PDE4B: variants seen among roughly 807,000 people sequenced by gnomAD.
The protein encoded by PDE4B is phosphodiesterase 4B, also known as 3',5'-cyclic-AMP phosphodiesterase 4B.
PDE4B carries 20 observed loss-of-function variants against 82.2 expected under a neutral mutation model. That is an observed-to-expected ratio of 0.24 (90% CI 0.17 to 0.35). The LOEUF is 0.35. PDE4B is among the 10% of genes least tolerant of loss of function. The pLI is 1.00. For missense variants in PDE4B, 655 were observed against 907.2 expected, an observed-to-expected ratio of 0.72 and a Z score of 3.57; for synonymous variants, 320 against 318.9, an observed-to-expected ratio of 1.00 and a Z score of -0.04.
At chr1:65,908,438 G>T (rs1158174313) in intron 1 of PDE4B, among the ~76,000 whole-genome samples, 2 of 152,158 alleles carry the variant, frequency 1.3e-5, no homozygotes, top group Non-Finnish European at 2.9e-5. Flanking sequence ...CACTTATGGA[G>T]AAGGATTTTG....
chr1:66,312,789 GTTTA>G (rs1167330263), intron 7 of PDE4B, among the ~76,000 whole-genome samples: 1 of 152,180 alleles, frequency 6.6e-6, no homozygotes, highest in Non-Finnish European at 1.5e-5. Context: ...ACAGCCATTT[GTTTA>G]TTTATGATCT....
chr1:66,304,907 C>T (rs928374812), intron 7 of PDE4B, among the ~76,000 whole-genome samples: 1 of 152,134 alleles, frequency 6.6e-6, no homozygotes, highest in Non-Finnish European at 1.5e-5. Context: ...GTCCTCAATG[C>T]TCACAAAATT....
chr1:66,010,367 GC>G (rs1652416986), intron 3 of PDE4B, among the ~76,000 whole-genome samples: 1 of 151,430 alleles, frequency 6.6e-6, no homozygotes, highest in South Asian at 2.1e-4. Flanking sequence ...AGAAAGAGGG[GC>G]ATTTGGCAAG....
intron 1 of PDE4B, among the ~76,000 whole-genome samples, chr1:65,843,902 A>G (rs1170906300): frequency 6.6e-6 from 1 of 152,212 alleles, no homozygotes; most frequent in Non-Finnish European, 1.5e-5. Flanking sequence ...ACAGTATGAC[A>G]TAAGTGGAAA....
intron 1 of PDE4B, among the ~76,000 whole-genome samples, chr1:65,891,812 A>G (rs572450166): frequency 6.6e-6 from 1 of 152,222 alleles, no homozygotes; most frequent in South Asian, 2.1e-4. Flanking sequence ...AATGATTAGT[A>G]TTAAAAAGAA....
chr1:65,941,259 C>T (rs532995009), intron 3 of PDE4B, among the ~76,000 whole-genome samples: 3 of 152,108 alleles, frequency 2.0e-5, no homozygotes, highest in African/African-American at 7.2e-5. Context: ...CACTGAAGAG[C>T]CCCAAGATTA....
At chr1:65,938,507 GAA>G (rs910140162) in intron 3 of PDE4B, among the ~76,000 whole-genome samples, 17 of 152,184 alleles carry the variant, frequency 1.1e-4, no homozygotes, top group Admixed American at 3.9e-4. Context: ...TCAGATCAAA[GAA>G]AAGGAAGCAT....
chr1:66,064,158 A>G (rs922375153), intron 3 of PDE4B, among the ~76,000 whole-genome samples: 1 of 152,016 alleles, frequency 6.6e-6, no homozygotes, highest in Non-Finnish European at 1.5e-5. Context: ...AGTTTTTCTT[A>G]GCCTTTATCA....
chr1:65,922,320 T>A (rs1244353392), intron 3 of PDE4B, among the ~76,000 whole-genome samples: 1 of 152,200 alleles, frequency 6.6e-6, no homozygotes, highest in African/African-American at 2.4e-5. Context: ...TTTGATATTA[T>A]TATTATTGTC....
intron 7 of PDE4B, among the ~76,000 whole-genome samples, chr1:66,291,668 T>G (rs1379639951): frequency 6.6e-6 from 1 of 152,162 alleles, no homozygotes; most frequent in African/African-American, 2.4e-5. Flanking sequence ...TAAGAGAATT[T>G]CCCCTGAAGT....
intron 3 of PDE4B, among the ~76,000 whole-genome samples, chr1:65,979,620 C>T (rs1650583647): frequency 6.6e-6 from 1 of 152,190 alleles, no homozygotes; most frequent in African/African-American, 2.4e-5. Context: ...TACACCTCTT[C>T]TCAGTGGCTG....
At chr1:65,881,104 C>T (rs1293491553) in intron 1 of PDE4B, among the ~76,000 whole-genome samples, 1 of 152,196 alleles carries the variant, frequency 6.6e-6, no homozygotes, top group Non-Finnish European at 1.5e-5. Context: ...TTCCATAACC[C>T]TGCCTGTACC....
At chr1:65,921,010 C>T (rs1647231000) in intron 3 of PDE4B, among the ~76,000 whole-genome samples, 1 of 140,032 alleles carries the variant, frequency 7.1e-6, no homozygotes. Flanking sequence ...GCTCTGTCGC[C>T]CAGGCTGGAG....
intron 13 of PDE4B, 187 bp from the exon 14 acceptor site, chr1:66,367,509 A>AT (rs1217399437): frequency 2.9e-5 from 15 of 521,964 alleles, no homozygotes; most frequent in Non-Finnish European, 5.0e-5. Flanking sequence ...CAGTAGAAGC[A>AT]TTTTTTGCTT....
At chr1:66,131,596 T>G (rs1279733775) in intron 3 of PDE4B, among the ~76,000 whole-genome samples, 6 of 58,812 alleles carry the variant, frequency 1.0e-4, no homozygotes, top group Non-Finnish European at 1.5e-4. Flanking sequence ...ATGCCAGATA[T>G]ATATATATAT....
chr1:66,168,746 A>G (rs921028508), intron 3 of PDE4B, among the ~76,000 whole-genome samples: 4 of 152,214 alleles, frequency 2.6e-5, no homozygotes, highest in Admixed American at 2.0e-4. Flanking sequence ...TGCTATTTTG[A>G]AAATAAACTG....
At chr1:65,995,549 T>C (rs1651494916) in intron 3 of PDE4B, among the ~76,000 whole-genome samples, 1 of 152,188 alleles carries the variant, frequency 6.6e-6, no homozygotes. Flanking sequence ...CTGCTCTACC[T>C]CCTGTCTCTA....
intron 7 of PDE4B, among the ~76,000 whole-genome samples, chr1:66,319,209 G>A (rs889794376): frequency 6.6e-6 from 1 of 152,182 alleles, no homozygotes; most frequent in Non-Finnish European, 1.5e-5. Flanking sequence ...AGATGAAAGA[G>A]ATTTTAGCTA....
At chr1:66,015,126 G>A (rs368172908) in intron 3 of PDE4B, among the ~76,000 whole-genome samples, 42 of 152,206 alleles carry the variant, frequency 2.8e-4, no homozygotes, top group African/African-American at 9.6e-4. Flanking sequence ...CTTTAAGACT[G>A]TTCTTCTCAC....
Sources: allele counts gnomAD v4.1 joint callset (sites outside exome capture counted in the v4.1 genomes callset), GRCh38; gene constraint gnomAD v4.1.1; transcripts MANE v1.5; gene names NCBI Gene and HGNC (gene_info 2026-07-23, HGNC 2026-07-21).